Variants in ZNF334 observed in about 807,000 individuals in gnomAD.
ZNF334 encodes zinc finger protein 334.
Under a neutral mutation model 12.4 loss-of-function variants are expected in ZNF334, and 14 were observed. The ratio of observed to expected loss-of-function variants is 1.13; its 90% CI spans 0.74 to 1.76. ZNF334 has a LOEUF of 1.76. Among genes scored for constraint, ZNF334 ranks in the 40% most tolerant of loss-of-function variants. ZNF334 has a pLI of 0.00. For missense variants in ZNF334, 797 were observed against 804.5 expected (o/e 0.99, Z 0.11); for synonymous variants, 273 against 269.6 (o/e 1.01, Z -0.12).
chr20:46,483,043 A>G, the ZNF334 span, among the ~76,000 whole-genome samples: 1 of 152,202 alleles, frequency 6.6e-6, no homozygotes, highest in African/African-American at 2.4e-5. Flanking sequence ...GTCATGCTTC[A>G]AAAGTACTAT....
chr20:46,465,490 G>A, the ZNF334 span, among the ~76,000 whole-genome samples: 2 of 152,134 alleles, frequency 1.3e-5, no homozygotes, highest in Non-Finnish European at 2.9e-5. Flanking sequence ...TTGAGACCAG[G>A]AGTTTGAGAC....
the ZNF334 span, among the ~76,000 whole-genome samples, chr20:46,480,799 GAGA>G: frequency 2.6e-5 from 4 of 152,184 alleles, no homozygotes; most frequent in African/African-American, 9.7e-5. Flanking sequence ...TGATCTTTCT[GAGA>G]AGGTGAGTTC....
At chr20:46,491,840 G>A in the ZNF334 span, 1 of 153,342 alleles carries the variant, frequency 6.5e-6, no homozygotes, top group Non-Finnish European at 1.5e-5. Flanking sequence ...TAATGAATGT[G>A]GAAAGACCTA....
At chr20:46,463,837 C>T in the ZNF334 span, 4 of 391,778 alleles carry the variant, frequency 1.0e-5, no homozygotes, top group Non-Finnish European at 2.1e-5. Context: ...CACACCACCA[C>T]AGGGGACTGC....
At chr20:46,470,630 T>C in the ZNF334 span, among the ~76,000 whole-genome samples, 1 of 152,218 alleles carries the variant, frequency 6.6e-6, no homozygotes. Flanking sequence ...TTCTTTACAC[T>C]TTAACCACCC....
chr20:46,502,421 A>C lies in ZNF334; in HGVS notation c.918T>G (p.Ser306=). 1 of 1,614,134 alleles carries C rather than the reference A, an allele frequency of 6.2e-7. No individual in the cohort carries two copies. Among genetic ancestry groups the C allele is most frequent in the Non-Finnish European group, 8.5e-7 (1 of 1,180,012 alleles). The change falls in exon 5 of 5, where the codon TCT becomes TCG. Residue 306 remains serine, a synonymous_variant. Transcript: ENST00000692313. Reference sequence around the variant, plus strand: ...GAATTTTCTGGTGTACAATAAGGGCAGATTTGTCAATGAAGGTTTTCCTGC... The same window carrying C: ...GAATTTTCTGGTGTACAATAAGGGCCGATTTGTCAATGAAGGTTTTCCTGC... ...SECRKTFIDK[S]ALIVHQKIHG...
At chr20:46,465,184 G>A in the ZNF334 span, 267 of 208,074 alleles carry the variant, frequency 1.3e-3, no homozygotes, top group African/African-American at 5.8e-3. Context: ...GATGGGGGTG[G>A]TGACTGTGGG....
downstream of ZNF334, among the ~76,000 whole-genome samples, chr20:46,495,267 T>C (rs2061002808): frequency 6.6e-6 from 1 of 151,570 alleles, no homozygotes; most frequent in Non-Finnish European, 1.5e-5. Flanking sequence ...CCTAAAGGTA[T>C]GTTGAGGTTT....
chr20:46,468,447 T>A, the ZNF334 span, among the ~76,000 whole-genome samples: 2 of 151,742 alleles, frequency 1.3e-5, no homozygotes, highest in African/African-American at 4.8e-5. Context: ...GCTAATTTTT[T>A]TTTTTTTTTG....
chr20:46,486,453 G>A, the ZNF334 span, among the ~76,000 whole-genome samples: 12 of 152,046 alleles, frequency 7.9e-5, no homozygotes, highest in East Asian at 1.9e-4. Context: ...AAATATGCAC[G>A]ATTTTATATA....
intron 2 of ZNF334, 194 bp from the exon 3 acceptor site, chr20:46,504,934 A>G (rs2061378965): frequency 2.0e-6 from 1 of 491,480 alleles, no homozygotes; most frequent in Non-Finnish European, 3.5e-6. Flanking sequence ...CTGAGCTTAT[A>G]CCATGTCCTG....
the ZNF334 span, among the ~76,000 whole-genome samples, chr20:46,488,419 T>TATATATATATATATATATA: frequency 9.8e-6 from 1 of 102,242 alleles, no homozygotes; most frequent in African/African-American, 4.3e-5. Context: ...AGCTCTTATT[T>TATATATATATATATATATA]TATATATATA....
the ZNF334 span, chr20:46,477,343 T>C: frequency 6.9e-6 from 1 of 144,586 alleles, no homozygotes; most frequent in African/African-American, 2.6e-5. Context: ...TGTTTTTTGG[T>C]TTTTTTTTTT....
At chr20:46,493,475 A>G in the ZNF334 span, among the ~76,000 whole-genome samples, 2 of 152,322 alleles carry the variant, frequency 1.3e-5, no homozygotes, top group South Asian at 4.1e-4. Flanking sequence ...TCTGTGGTCA[A>G]GATGGTTTCT....
At chr20:46,506,341 C>T (rs1485457300) in intron 2 of ZNF334, 2 of 644,122 alleles carry the variant, frequency 3.1e-6, no homozygotes, top group Admixed American at 4.6e-5. Context: ...AGAAAACACA[C>T]ATGGCCAGGT....
At chr20:46,480,412 G>GA in the ZNF334 span, among the ~76,000 whole-genome samples, 1 of 152,146 alleles carries the variant, frequency 6.6e-6, no homozygotes, top group Non-Finnish European at 1.5e-5. Context: ...TCCCGCTGCT[G>GA]AAAGCGCCAA....
chr20:46,480,269 T>G, the ZNF334 span, among the ~76,000 whole-genome samples: 1 of 152,156 alleles, frequency 6.6e-6, no homozygotes, highest in Non-Finnish European at 1.5e-5. Context: ...GATGTGGACA[T>G]GTTTGGGGGG....
Position 46,512,726 on chromosome 20 carries a change from A to G in ZNF334, c.-225T>C, listed in dbSNP as rs2061697616. The G allele has an allele frequency of 1.3e-5, 2 of 152,280 alleles. No homozygotes were observed. 9.4% of individuals were successfully genotyped at this position (152,280 alleles called of 1,614,324 possible). A position where few individuals can be genotyped will look rare whatever the true frequency, so the allele number is the denominator to read the frequency against. The stretch of plus-strand genomic sequence containing the variant: ...AATGTGGTAGATGACAAAAGCCCTG[A>G]CCTGGTACTCAAAGGACCAGAATTC... On this transcript the variant is annotated 5_prime_UTR_variant, in exon 1 of 5. Transcript: ENST00000692313.
chr20:46,485,217 A>C, the ZNF334 span: 1 of 164,058 alleles, frequency 6.1e-6, no homozygotes, highest in Non-Finnish European at 1.5e-5. Flanking sequence ...TCTGTCCATG[A>C]GTTTCCAAAG....
Sources: gnomAD v4.1 joint callset for allele counts (sites outside exome capture counted in the v4.1 genomes callset) on GRCh38, gnomAD v4.1.1 for gene constraint, MANE v1.5 for transcripts, NCBI Gene and HGNC (gene_info 2026-07-23, HGNC 2026-07-21) for gene names.